Variants in PTPRT observed in about 807,000 individuals in gnomAD.
PTPRT encodes receptor-type tyrosine-protein phosphatase T.
A neutral mutation model predicts 176.8 loss-of-function variants in PTPRT; 56 were observed. That is an observed-to-expected ratio of 0.32 (90% CI 0.26 to 0.40). PTPRT has a LOEUF of 0.40. Ranked by LOEUF, PTPRT falls within the 10% of genes least tolerant of loss-of-function variation. The probability of loss-of-function intolerance (pLI) is 1.00; values close to 1 mark genes in which losing one functional copy is unlikely to be tolerated. For missense variants in PTPRT, 1,540 were observed against 1,908.2 expected (o/e 0.81, Z 3.60); for synonymous variants, 783 against 739.0 (o/e 1.06, Z -0.96).
intron 1 of PTPRT, among the ~76,000 whole-genome samples, chr20:43,080,529 T>G (rs961339285): frequency 6.6e-6 from 1 of 152,234 alleles, no homozygotes. Flanking sequence ...TCTCCTTTTG[T>G]CTGTTAATGT....
At chr20:42,234,547 C>G (rs1426087680) in intron 15 of PTPRT, among the ~76,000 whole-genome samples, 1 of 152,200 alleles carries the variant, frequency 6.6e-6, no homozygotes, top group East Asian at 1.9e-4. Context: ...TGATACCTAT[C>G]CCCTGCCACA....
intron 13 of PTPRT, among the ~76,000 whole-genome samples, chr20:42,255,066 G>A (rs571015711): frequency 6.6e-6 from 1 of 152,020 alleles, no homozygotes; most frequent in Admixed American, 6.5e-5. Context: ...ACAAGGACAA[G>A]AGCTGGCTGG....
chr20:42,829,758 G>C (rs890081632), intron 2 of PTPRT, among the ~76,000 whole-genome samples: 4 of 152,056 alleles, frequency 2.6e-5, no homozygotes, highest in South Asian at 4.2e-4. Flanking sequence ...AGAAATGACA[G>C]AGGGGATATT....
intron 2 of PTPRT, among the ~76,000 whole-genome samples, chr20:42,795,184 TAA>T (rs11477579): frequency 7.4e-5 from 11 of 149,040 alleles, no homozygotes; most frequent in African/African-American, 1.2e-4. Context: ...CCTTCTCCCT[TAA>T]AAAAAAAAAA....
chr20:42,914,481 A>C (rs1355226172), intron 1 of PTPRT, among the ~76,000 whole-genome samples: 1 of 152,238 alleles, frequency 6.6e-6, no homozygotes, highest in Non-Finnish European at 1.5e-5. Context: ...TTGCATCCAT[A>C]CAATAAAATA....
chr20:42,198,869 C>T (rs1028999303), intron 16 of PTPRT, among the ~76,000 whole-genome samples: 1 of 152,166 alleles, frequency 6.6e-6, no homozygotes, highest in Admixed American at 6.5e-5. Context: ...GTATATGAAA[C>T]ACAGATTTGA....
chr20:42,963,174 G>A (rs558508770), intron 1 of PTPRT, among the ~76,000 whole-genome samples: 87 of 152,084 alleles, frequency 5.7e-4, no homozygotes, highest in African/African-American at 2.0e-3. Flanking sequence ...GCTCCAGCCT[G>A]GGTGACAGAG....
chr20:42,530,598 A>G (rs1027897335), intron 7 of PTPRT, among the ~76,000 whole-genome samples: 2 of 152,092 alleles, frequency 1.3e-5, no homozygotes, highest in Non-Finnish European at 2.9e-5. Flanking sequence ...AGGAAATTCA[A>G]CCTCTGAGTA....
chr20:43,016,212 CCT>C (rs1985362845), intron 1 of PTPRT, among the ~76,000 whole-genome samples: 1 of 152,208 alleles, frequency 6.6e-6, no homozygotes, highest in South Asian at 2.1e-4. Context: ...ACAGCCTCCC[CCT>C]CTTTTCCCCA....
At chr20:42,353,668 C>T (rs1183623291) in intron 9 of PTPRT, among the ~76,000 whole-genome samples, 1 of 152,216 alleles carries the variant, frequency 6.6e-6, no homozygotes, top group Non-Finnish European at 1.5e-5. Flanking sequence ...ACGGATCACA[C>T]TTTGAGTGTC....
At position 42,772,444 on chromosome 20, in the gene PTPRT, G is replaced by T. The variant is rs146666473; in HGVS notation, c.569-894C>A. On this transcript the variant is annotated intron_variant, in intron 4 of 30. Coordinates refer to ENST00000373187, the MANE Select transcript of PTPRT (RefSeq NM_007050.6). ...ATAACAGGGAAAGGGTCTTTCAAATGAAAATCAGGGTGTGTATGAGCAGAC... is the reference window on the plus strand; with the variant it reads ...ATAACAGGGAAAGGGTCTTTCAAATTAAAATCAGGGTGTGTATGAGCAGAC... Among the ~76,000 whole-genome samples the T allele has an allele frequency of 5.4e-3, 817 of 152,316 alleles. 8 individuals carry two copies. Among genetic ancestry groups the T allele is most frequent in the African/African-American group, 0.019 (790 of 41,564 alleles).
Position 42,399,748 on chromosome 20 carries a change from T to C in PTPRT, c.1561-47463A>G, listed in dbSNP as rs899155372. On this transcript the variant is annotated intron_variant, in intron 9 of 30. Coordinates refer to ENST00000373187, the MANE Select transcript of PTPRT (RefSeq NM_007050.6). ...TTGTTTTGAGACTATTGCTGTGACC[T>C]GGAGACATGAGATATATTTACTGAC... Among the ~76,000 whole-genome samples the C allele has an allele frequency of 2.0e-5, 3 of 152,212 alleles. No homozygotes were observed. The East Asian group carries it at 5.8e-4, about 29-fold the overall frequency.
intron 4 of PTPRT, 142 bp downstream of exon 4, chr20:42,780,076 T>C: frequency 1.4e-6 from 1 of 737,188 alleles, no homozygotes; most frequent in Non-Finnish European, 2.4e-6. Flanking sequence ...TTGCATTGAG[T>C]ATGTAAGCAT....
chr20:42,936,190 A>G (rs1980177302), intron 1 of PTPRT, among the ~76,000 whole-genome samples: 1 of 152,240 alleles, frequency 6.6e-6, no homozygotes, highest in South Asian at 2.1e-4. Context: ...AAAGCAAAAC[A>G]GGAAAGGGAA....
intron 1 of PTPRT, among the ~76,000 whole-genome samples, chr20:42,903,398 T>C (rs889541720): frequency 2.0e-5 from 3 of 152,262 alleles, no homozygotes; most frequent in Non-Finnish European, 4.4e-5. Context: ...TAGGACTGGC[T>C]GACAGATATT....
intron 6 of PTPRT, among the ~76,000 whole-genome samples, chr20:42,713,106 G>T (rs779544920): frequency 6.6e-6 from 1 of 151,702 alleles, no homozygotes; most frequent in Non-Finnish European, 1.5e-5. Context: ...ATCTACACAT[G>T]AAATACCTTT....
the PTPRT span, among the ~76,000 whole-genome samples, chr20:42,051,974 A>G: frequency 6.6e-6 from 1 of 152,218 alleles, no homozygotes; most frequent in Non-Finnish European, 1.5e-5. Context: ...ACCTGGCTCT[A>G]TTTGCCAGCT....
chr20:42,391,132 G>A (rs1600943093), intron 9 of PTPRT, among the ~76,000 whole-genome samples: 3 of 152,164 alleles, frequency 2.0e-5, no homozygotes, highest in Non-Finnish European at 2.9e-5. Flanking sequence ...GAAAGAGGGA[G>A]GAGCGTGGCT....
In PTPRT at chr20:42,659,837, T is replaced by C. The variant is rs746872257; in HGVS notation, c.1153+18029A>G. Among the ~76,000 whole-genome samples, 59 of 152,180 alleles carry C rather than the reference T, an allele frequency of 3.9e-4. 1 individual carries two copies. The highest frequency in any genetic ancestry group is 7.1e-4 in the Non-Finnish European group (48 of 68,036). On this transcript the variant is annotated intron_variant, in intron 7 of 30. Transcript: ENST00000373187. ...AATTCAATTAATCAGAGCTCTTGCC[T>C]CCTCCATCCCATCGCCACCACCTTT...
Sources: gnomAD v4.1 joint callset for allele counts (sites outside exome capture counted in the v4.1 genomes callset) on GRCh38, gnomAD v4.1.1 for gene constraint, MANE v1.5 for transcripts, NCBI Gene and HGNC (gene_info 2026-07-23, HGNC 2026-07-21) for gene names.